KIAA0825: variants seen among roughly 807,000 people sequenced by gnomAD.
KIAA0825 encodes the protein uncharacterized protein KIAA0825.
A neutral mutation model predicts 147.6 loss-of-function variants in KIAA0825; 119 were observed. That is an observed-to-expected ratio of 0.81 (90% confidence interval 0.69 to 0.94). KIAA0825 has a LOEUF of 0.94. Among genes scored for constraint, KIAA0825 ranks in the 40% least tolerant of loss-of-function variants. The probability of loss-of-function intolerance (pLI) is 0.00; values close to 1 mark genes in which losing one functional copy is unlikely to be tolerated. For missense variants in KIAA0825, 1,381 were observed against 1,472.7 expected (o/e 0.94, Z 1.02); for synonymous variants, 470 against 518.1 (o/e 0.91, Z 1.26).
rs1767942529 is a variant in KIAA0825, at chr5:94,520,404, C to G, written c.814G>C (p.Val272Leu). The change falls in exon 5 of 21, where the codon GTG becomes CTG. Residue 272 changes from valine to leucine, a missense_variant. Coordinates refer to ENST00000682413, the MANE Select transcript of KIAA0825 (RefSeq NM_001145678.3). Reference protein sequence around the residue: ...LCEILAPSSMVKFIKETYLDT... With the variant: ...LCEILAPSSMLKFIKETYLDT... ...AGGTAAGTTTCTTTAATGAATTTCACCATTGAAGATGGAGCTAAAATTTCA... is the reference window on the plus strand; with the variant it reads ...AGGTAAGTTTCTTTAATGAATTTCAGCATTGAAGATGGAGCTAAAATTTCA... The G allele has an allele frequency of 6.2e-7, 1 of 1,612,692 alleles. No homozygotes were observed.
At chr5:94,602,184 T>C (rs950722738) in intron 1 of KIAA0825, among the ~76,000 whole-genome samples, 1 of 151,918 alleles carries the variant, frequency 6.6e-6, no homozygotes, top group South Asian at 2.1e-4. Flanking sequence ...CTCATCTCTA[T>C]TAAAAATACA....
chr5:94,579,085 C>T (rs1781595641), intron 2 of KIAA0825, among the ~76,000 whole-genome samples: 1 of 152,122 alleles, frequency 6.6e-6, no homozygotes, highest in Non-Finnish European at 1.5e-5. Flanking sequence ...CCACACCCGG[C>T]TAATTTTTGT....
intron 1 of KIAA0825, chr5:94,594,651 A>G (rs562153009): frequency 4.0e-5 from 25 of 625,260 alleles, no homozygotes; most frequent in South Asian, 3.9e-4. Flanking sequence ...AAAATCTTCT[A>G]TGAAAAAATG....
At chr5:94,347,811 A>G (rs1783188719) in intron 20 of KIAA0825, among the ~76,000 whole-genome samples, 2 of 152,238 alleles carry the variant, frequency 1.3e-5, no homozygotes, top group Admixed American at 6.5e-5. Context: ...TTTACCTGAA[A>G]AAGAATTCAG....
intron 20 of KIAA0825, among the ~76,000 whole-genome samples, chr5:94,255,870 T>G (rs571244708): frequency 4.6e-5 from 7 of 151,700 alleles, no homozygotes; most frequent in African/African-American, 1.4e-4. Context: ...TAAGCGACCA[T>G]GCCAAGCTAA....
intron 7 of KIAA0825, among the ~76,000 whole-genome samples, chr5:94,476,123 G>A (rs1476622378): frequency 1.3e-5 from 2 of 152,094 alleles, no homozygotes; most frequent in African/African-American, 2.4e-5. Flanking sequence ...GGATTTTCCC[G>A]ATTATTAAAG....
chr5:94,366,958 T>C (rs540964681), intron 20 of KIAA0825, among the ~76,000 whole-genome samples: 7 of 152,278 alleles, frequency 4.6e-5, no homozygotes, highest in Non-Finnish European at 8.8e-5. Context: ...TAGAACTTTA[T>C]AAAAGAGGTA....
At chr5:94,285,068 T>C (rs1777612526) in intron 20 of KIAA0825, among the ~76,000 whole-genome samples, 1 of 152,136 alleles carries the variant, frequency 6.6e-6, no homozygotes, top group Admixed American at 6.6e-5. Flanking sequence ...AAAACAATTA[T>C]AGACATTATA....
intron 5 of KIAA0825, among the ~76,000 whole-genome samples, chr5:94,508,875 C>T (rs577634932): frequency 2.6e-5 from 4 of 152,312 alleles, no homozygotes; most frequent in South Asian, 2.1e-4. Context: ...GTGTCTGACA[C>T]GGTCTGAAAC....
intron 2 of KIAA0825, among the ~76,000 whole-genome samples, chr5:94,563,177 T>TA (rs755155023): frequency 1.5e-5 from 2 of 135,134 alleles, no homozygotes; most frequent in Middle Eastern, 3.4e-3. Context: ...CCATCTCCAC[T>TA]AAAAATACCA....
intron 1 of KIAA0825, among the ~76,000 whole-genome samples, chr5:94,587,483 C>G (rs965794285): frequency 6.6e-6 from 1 of 152,120 alleles, no homozygotes; most frequent in African/African-American, 2.4e-5. Context: ...ATCCAGCTTA[C>G]AAGGGATGTG....
At chr5:94,533,422 G>A in intron 3 of KIAA0825, among the ~76,000 whole-genome samples, 1 of 151,636 alleles carries the variant, frequency 6.6e-6, no homozygotes, top group East Asian at 1.9e-4. Context: ...GATTACAGGT[G>A]TGCACCACCA....
chr5:94,521,413 C>A (rs1768176053), intron 4 of KIAA0825, among the ~76,000 whole-genome samples: 2 of 151,680 alleles, frequency 1.3e-5, no homozygotes, highest in South Asian at 4.2e-4. Context: ...GAATATAGAT[C>A]TTTAAATATA....
chr5:94,456,743 C>A (rs913983987), intron 12 of KIAA0825, among the ~76,000 whole-genome samples: 5 of 152,096 alleles, frequency 3.3e-5, no homozygotes, highest in South Asian at 2.1e-4. Flanking sequence ...GCCTTGTACA[C>A]AATAAGTGCT....
chr5:94,341,998 C>A (rs560706927), intron 20 of KIAA0825, among the ~76,000 whole-genome samples: 1 of 152,190 alleles, frequency 6.6e-6, no homozygotes, highest in Admixed American at 6.5e-5. Context: ...TCGAGACCAT[C>A]CTGGCCAACG....
chr5:94,443,359 T>TACACAC (rs70978110), intron 13 of KIAA0825, among the ~76,000 whole-genome samples: 106 of 148,728 alleles, frequency 7.1e-4, no homozygotes, highest in African/African-American at 2.4e-3. Flanking sequence ...TGTATATATA[T>TACACAC]ACACACACAC....
chr5:94,539,179 T>C (rs981797488), intron 2 of KIAA0825, among the ~76,000 whole-genome samples: 3 of 152,118 alleles, frequency 2.0e-5, no homozygotes, highest in African/African-American at 7.2e-5. Flanking sequence ...CACTATGCCA[T>C]GGCAACATCA....
At chr5:94,534,355 A>C (rs1479300911) in intron 3 of KIAA0825, among the ~76,000 whole-genome samples, 1 of 152,114 alleles carries the variant, frequency 6.6e-6, no homozygotes, top group Non-Finnish European at 1.5e-5. Flanking sequence ...ATTTTATTTT[A>C]AAAAATATAT....
At chr5:94,503,087 TG>T (rs1423801825) in intron 5 of KIAA0825, among the ~76,000 whole-genome samples, 11 of 141,872 alleles carry the variant, frequency 7.8e-5, no homozygotes, top group African/African-American at 2.9e-4. Flanking sequence ...TATATATATA[TG>T]ATATATATAT....
Sources: allele counts gnomAD v4.1 joint callset (sites outside exome capture counted in the v4.1 genomes callset), GRCh38; gene constraint gnomAD v4.1.1; transcripts MANE v1.5; gene names NCBI Gene and HGNC (gene_info 2026-07-23, HGNC 2026-07-21).